Variants in KCNH3 observed in about 807,000 individuals in gnomAD.
The protein encoded by KCNH3 is potassium voltage-gated channel subfamily H member 3.
KCNH3 carries 36 observed loss-of-function variants against 95.6 expected under a neutral mutation model. The ratio of observed to expected loss-of-function variants is 0.38; its 90% CI spans 0.29 to 0.50. The LOEUF is 0.50. Among genes scored for constraint, KCNH3 ranks in the 20% least tolerant of loss-of-function variants. The probability of loss-of-function intolerance (pLI) is 0.95; values close to 1 mark genes in which losing one functional copy is unlikely to be tolerated. For synonymous variants in KCNH3, 620 were observed against 646.3 expected (o/e 0.96, Z 0.62); for missense variants, 1,030 against 1,484.1 (o/e 0.69, Z 5.03).
At chr12:49,551,147 CT>C (rs1188514530) in intron 10 of KCNH3, among the ~76,000 whole-genome samples, 1 of 152,216 alleles carries the variant, frequency 6.6e-6, no homozygotes, top group African/African-American at 2.4e-5. Flanking sequence ...TTCCACAGGG[CT>C]CCCAGGTGCT....
Position 49,555,866 on chromosome 12 carries a change from G to A in KCNH3, c.2383G>A (p.Ala795Thr), listed in dbSNP as rs531613239. The A allele has an allele frequency of 5.0e-6, 8 of 1,610,722 alleles. No individual in the cohort carries two copies. The Admixed American group carries it at 1.2e-4, about 24-fold the overall frequency. The change falls in exon 12 of 15, where the codon GCT becomes ACT. Residue 795 changes from alanine to threonine, a missense_variant. By Grantham distance (58) the Ala-to-Thr change is moderately conservative. Transcript: ENST00000257981. Reference sequence around the variant, plus strand: ...CAGGGCAGGGGCTTTGAAGGCTGAGGCTGGCCCCTCTGCTCCCCCACGGGC... The same window carrying A: ...CAGGGCAGGGGCTTTGAAGGCTGAGACTGGCCCCTCTGCTCCCCCACGGGC... ...PGRAGALKAE[A>T]GPSAPPRALE...
At chr12:49,549,293 AC>A in intron 8 of KCNH3, 120 bp downstream of exon 8, 1 of 1,451,764 alleles carries the variant, frequency 6.9e-7, no homozygotes, top group Non-Finnish European at 9.3e-7. Flanking sequence ...TGGCCGCGGA[AC>A]CCGAGGCCGG....
At chr12:49,554,685 G>A in intron 11 of KCNH3, 131 bp downstream of exon 11, 1 of 769,244 alleles carries the variant, frequency 1.3e-6, no homozygotes, top group South Asian at 1.7e-5. Flanking sequence ...CCTTGGGCAG[G>A]GGTCTACACC....
At chr12:49,541,381 A>G (rs1937866393) in intron 2 of KCNH3, among the ~76,000 whole-genome samples, 1 of 152,094 alleles carries the variant, frequency 6.6e-6, no homozygotes, top group East Asian at 1.9e-4. Flanking sequence ...CATCCAACAG[A>G]AAAACATCCG....
In KCNH3 at chr12:49,556,391, C is replaced by T. The variant is rs377678898; in HGVS notation, c.2490C>T (p.Asp830=). Reference sequence around the variant, plus strand: ...ACAGGGTAGTAGATGGCATTGAAGACGGCTGTGGCTCGGACCAGCCCAAGT... The same window carrying T: ...ACAGGGTAGTAGATGGCATTGAAGATGGCTGTGGCTCGGACCAGCCCAAGT... ...LSPRVVDGIE[D]GCGSDQPKFS... Residue 830 remains aspartate (D), a synonymous_variant, in exon 13 of 15, where the codon GAC becomes GAT. Coordinates refer to ENST00000257981, the MANE Select transcript of KCNH3 (RefSeq NM_012284.3). The T allele has an allele frequency of 5.8e-5, 94 of 1,613,480 alleles. No homozygotes were observed. The East Asian group carries it at 1.2e-3, about 21-fold the overall frequency.
intron 7 of KCNH3, 132 bp from the exon 8 acceptor site, chr12:49,548,758 TGCTAG>T: frequency 1.2e-6 from 1 of 831,474 alleles, no homozygotes; most frequent in Non-Finnish European, 1.8e-6. Context: ...GAGAGGGGTG[TGCTAG>T]GCTGGCAGTG....
At chr12:49,542,864 G>A in intron 4 of KCNH3, 25 bp downstream of exon 4, 1 of 1,601,560 alleles carries the variant, frequency 6.2e-7, no homozygotes. Flanking sequence ...GGGATGTGTG[G>A]GAGAGGGGAG....
chr12:49,552,728 G>A (rs541854851), intron 10 of KCNH3, among the ~76,000 whole-genome samples: 5 of 152,234 alleles, frequency 3.3e-5, no homozygotes, highest in African/African-American at 4.8e-5. Flanking sequence ...CTCTGCCCTC[G>A]GTCCTGTCCT....
intron 10 of KCNH3, among the ~76,000 whole-genome samples, chr12:49,554,098 G>T (rs1435462013): frequency 6.6e-6 from 1 of 152,228 alleles, no homozygotes; most frequent in Non-Finnish European, 1.5e-5. Context: ...GATCCTGAAT[G>T]TGTTTGAGGG....
chr12:49,554,251 A>G (rs1938355646), intron 10 of KCNH3, 86 bp from the exon 11 acceptor site: 1 of 1,072,208 alleles, frequency 9.3e-7, no homozygotes, highest in Non-Finnish European at 1.4e-6. Flanking sequence ...CCAGCTCTGA[A>G]GGGAATCTCA....
chr12:49,548,868 G>T, intron 7 of KCNH3, 27 bp from the exon 8 acceptor site: 1 of 1,534,690 alleles, frequency 6.5e-7, no homozygotes. Flanking sequence ...CTTCCTGCCT[G>T]CTCAGGCCCT....
Position 49,539,165 on chromosome 12 carries a change from G to A in KCNH3, c.-252G>A, listed in dbSNP as rs1402554118. On this transcript the variant is annotated 5_prime_UTR_variant, in exon 1 of 15. Coordinates refer to ENST00000257981, the MANE Select transcript of KCNH3 (RefSeq NM_012284.3). This position sits in a 1 kb window ranked among gnomAD's most constrained non-coding sequence, Gnocchi z 6.7. ...GGTGCTGAGAGCGCGGCGGCCGCGG[G>A]GCCTGGAGCCCGGGATTTGTGGGCG... 1.3e-5 allele frequency: 2 copies of A among 154,990 alleles called. No individual in the cohort carries two copies. The highest frequency in any genetic ancestry group is 2.8e-5 in the Non-Finnish European group (2 of 70,316). 9.6% of individuals were successfully genotyped at this position (154,990 alleles called of 1,614,324 possible).
intron 5 of KCNH3, 138 bp from the exon 6 acceptor site, chr12:49,543,777 T>C: frequency 8.3e-7 from 1 of 1,207,598 alleles, no homozygotes; most frequent in Non-Finnish European, 1.2e-6. Context: ...GTCTACCTGT[T>C]ACAGTTACTG....
In KCNH3 at chr12:49,544,158, C is replaced by T; in HGVS notation, c.982-17C>T. 2 of 1,563,226 alleles carry T rather than the reference C, an allele frequency of 1.3e-6. No homozygotes were observed. The highest frequency in any genetic ancestry group is 1.7e-6 in the Non-Finnish European group (2 of 1,143,568). Reference sequence around the variant, plus strand: ...CGCTGACCTCCCTCCCTCCCTCCCTCCCTCCCCGCATCTCAGTACTTCGGG... The same window carrying T: ...CGCTGACCTCCCTCCCTCCCTCCCTTCCTCCCCGCATCTCAGTACTTCGGG... On this transcript the variant is annotated splice_polypyrimidine_tract_variant and intron_variant, in intron 6 of 14. Transcript: ENST00000257981.
rs1937844622 is a variant in KCNH3, at chr12:49,540,786, G to T, written c.77-113G>T. On this transcript the variant is annotated intron_variant, in intron 1 of 14. Transcript: ENST00000257981. The stretch of plus-strand genomic sequence containing the variant: ...AACAGCCCTGCCTTAACACACGCAG[G>T]ATTCCTGGGGTTTGGAAAACCCACT... 7.7e-6 allele frequency: 6 copies of T among 774,990 alleles called. No homozygotes were observed. The South Asian group carries it at 8.2e-5, about 11-fold the overall frequency. The allele number at this position is 774,990 out of a possible 1,614,324, so 48.0% of individuals were successfully genotyped here.
rs560145834 is a variant in KCNH3 at position 49,549,262 on chromosome 12, C to T, written c.1468+89C>T. The T allele has an allele frequency of 6.7e-6, 10 of 1,491,562 alleles. No individual in the cohort carries two copies. The East Asian group carries it at 2.1e-4, about 31-fold the overall frequency. The allele number at this position is 1,491,562 out of a possible 1,614,324, so 92.4% of individuals were successfully genotyped here. On this transcript the variant is annotated intron_variant, in intron 8 of 14. Transcript: ENST00000257981. Reference sequence around the variant, plus strand: ...TCCCACTCCCCGGAGGGCCTGAGGCCGGGGGCTCTTCCGCTTTAGGTGGCC... The same window carrying T: ...TCCCACTCCCCGGAGGGCCTGAGGCTGGGGGCTCTTCCGCTTTAGGTGGCC...
intron 13 of KCNH3, 51 bp from the exon 14 acceptor site, chr12:49,557,132 C>T: frequency 6.3e-7 from 1 of 1,585,240 alleles, no homozygotes; most frequent in African/African-American, 1.3e-5. Context: ...CCCCAAATTG[C>T]CTATCTCCTC....
rs781717278 is a variant in KCNH3, at chr12:49,542,711, G to A, written c.451G>A (p.Gly151Ser). ...GGGCCCCTCTTCTTTCGCAGGTGGT[G>A]GCCGGCGCCGATATGGCCGGGCACG... is the stretch of plus-strand genomic sequence containing the variant. ...GPDRWKETGG[G>S]RRRYGRARSK... is the part of the protein sequence containing the mutation. Residue 151 changes from glycine (G) to serine (S), a missense_variant, in exon 4 of 15, where the codon GGC (glycine) becomes AGC (serine). Transcript: ENST00000257981. The A allele has an allele frequency of 7.0e-6, 11 of 1,575,024 alleles. No individual in the cohort carries two copies. Among genetic ancestry groups the A allele is most frequent in the South Asian group, 3.5e-5 (3 of 85,842 alleles).
At chr12:49,554,152 G>T (rs552935813) in intron 10 of KCNH3, among the ~76,000 whole-genome samples, 185 bp from the exon 11 acceptor site, 1 of 152,256 alleles carries the variant, frequency 6.6e-6, no homozygotes, top group African/African-American at 2.4e-5. Flanking sequence ...GTGGGAGCCA[G>T]TGAGACAGGC....
Sources: allele counts gnomAD v4.1 joint callset (sites outside exome capture counted in the v4.1 genomes callset), GRCh38; gene constraint gnomAD v4.1.1; non-coding constraint Gnocchi (gnomAD v3.1); transcripts MANE v1.5; gene names NCBI Gene and HGNC (gene_info 2026-07-23, HGNC 2026-07-21).